Variants in LRRTM4 observed in about 807,000 individuals in gnomAD.
The protein encoded by LRRTM4 is leucine-rich repeat transmembrane neuronal protein 4.
Under a neutral mutation model 47.6 loss-of-function variants are expected in LRRTM4, and 25 were observed. That is an observed-to-expected ratio of 0.53 (90% CI 0.38 to 0.73). The LOEUF is 0.73. Ranked by LOEUF, LRRTM4 falls within the 30% of genes least tolerant of loss-of-function variation. The pLI is 0.00. For missense variants in LRRTM4, 638 were observed against 713.4 expected (o/e 0.89, Z 1.20); for synonymous variants, 311 against 269.5 (o/e 1.15, Z -1.51).
chr2:77,137,961 C>G (rs1306637715), intron 3 of LRRTM4, among the ~76,000 whole-genome samples: 1 of 151,998 alleles, frequency 6.6e-6, no homozygotes, highest in East Asian at 1.9e-4. Context: ...ACAGGAGCAC[C>G]CAGATTCATA....
intron 3 of LRRTM4, among the ~76,000 whole-genome samples, chr2:77,055,399 CA>C (rs963655105): frequency 9.9e-5 from 15 of 152,150 alleles, no homozygotes; most frequent in African/African-American, 3.6e-4. Flanking sequence ...AGACACTTCT[CA>C]AAAGAAGACA....
At chr2:77,375,755 C>T (rs113114124) in intron 3 of LRRTM4, among the ~76,000 whole-genome samples, 104 of 151,742 alleles carry the variant, frequency 6.9e-4, no homozygotes, top group African/African-American at 2.2e-3. Flanking sequence ...TTGTTGCATA[C>T]GGCCGGATTT....
intron 3 of LRRTM4, among the ~76,000 whole-genome samples, chr2:76,811,857 T>C (rs2103822451): frequency 6.6e-6 from 1 of 152,232 alleles, no homozygotes; most frequent in South Asian, 2.1e-4. Flanking sequence ...ATTAGAAATT[T>C]GCAGGGATGA....
chr2:77,054,378 C>G (rs965198911), intron 3 of LRRTM4, among the ~76,000 whole-genome samples: 11 of 152,276 alleles, frequency 7.2e-5, no homozygotes, highest in Non-Finnish European at 1.2e-4. Context: ...TGTTTTCCAG[C>G]AGCAGCCACT....
intron 3 of LRRTM4, among the ~76,000 whole-genome samples, chr2:77,151,008 GAAA>G (rs1165469639): frequency 6.6e-6 from 1 of 151,988 alleles, no homozygotes; most frequent in Non-Finnish European, 1.5e-5. Flanking sequence ...ATTGGTATAC[GAAA>G]AACTGTTCGC....
chr2:77,077,134 A>G (rs928683926), intron 3 of LRRTM4, among the ~76,000 whole-genome samples: 1 of 152,194 alleles, frequency 6.6e-6, no homozygotes, highest in Non-Finnish European at 1.5e-5. Flanking sequence ...CATATGCAAA[A>G]TTCTATAGAG....
intron 3 of LRRTM4, among the ~76,000 whole-genome samples, chr2:76,851,888 C>T (rs1214965491): frequency 6.6e-6 from 1 of 151,470 alleles, no homozygotes; most frequent in Non-Finnish European, 1.5e-5. Flanking sequence ...AATTTTGACC[C>T]TATTTGTTAA....
intron 3 of LRRTM4, among the ~76,000 whole-genome samples, chr2:76,929,874 T>A (rs2103830582): frequency 6.6e-6 from 1 of 152,162 alleles, no homozygotes; most frequent in African/African-American, 2.4e-5. Flanking sequence ...TAAAAGTAGG[T>A]GAATATGTTT....
chr2:77,382,504 T>A (rs1673100998), intron 3 of LRRTM4, among the ~76,000 whole-genome samples: 1 of 152,054 alleles, frequency 6.6e-6, no homozygotes, highest in South Asian at 2.1e-4. Context: ...CTTATGTCAT[T>A]CTGGGGTAGA....
chr2:77,106,511 A>AAT (rs1367577445), intron 3 of LRRTM4, among the ~76,000 whole-genome samples: 3 of 152,112 alleles, frequency 2.0e-5, no homozygotes, highest in Admixed American at 2.0e-4. Context: ...TCTTTGAGGG[A>AAT]TAGAAATACT....
rs1558684811 is a variant in LRRTM4, at chr2:77,315,745, T to C, written c.1551+202573A>G. 2.0e-5 allele frequency among the ~76,000 whole-genome samples: 3 copies of C among 152,264 alleles called. No homozygotes were observed. The East Asian group carries it at 5.8e-4, about 30-fold the overall frequency. ...ATATTTTTAAAGCCTCTTGCCAGTT[T>C]TACAACCCAGGGCTGTCTGTCTTTC... is the stretch of plus-strand genomic sequence containing the variant. On this transcript the variant is annotated intron_variant, in intron 3 of 3. Transcript: ENST00000409884.
intron 3 of LRRTM4, chr2:77,517,198 T>C: frequency 1.0e-6 from 1 of 985,138 alleles, no homozygotes; most frequent in South Asian, 4.7e-5. Flanking sequence ...GTCTGCTCAC[T>C]AACATGATCC....
At chr2:76,828,713 GCA>G (rs1263446195) in intron 3 of LRRTM4, among the ~76,000 whole-genome samples, 6 of 151,836 alleles carry the variant, frequency 4.0e-5, no homozygotes, top group African/African-American at 1.2e-4. Context: ...GCTCATATGA[GCA>G]CAGTGTGCCT....
At chr2:76,806,076 C>T (rs1675951764) in intron 3 of LRRTM4, among the ~76,000 whole-genome samples, 1 of 152,008 alleles carries the variant, frequency 6.6e-6, no homozygotes, top group Non-Finnish European at 1.5e-5. Context: ...ACGTACAGAA[C>T]AAGGCAAAAT....
rs148413267 is a variant in LRRTM4 at position 77,074,441 on chromosome 2, A to G, written c.1552-325525T>C. 2.8e-3 allele frequency among the ~76,000 whole-genome samples: 425 copies of G among 152,190 alleles called. 4 individuals carry two copies. Among genetic ancestry groups the G allele is most frequent in the African/African-American group, 9.0e-3 (375 of 41,538 alleles). ...TTTAGGAATTAGTAGTAGTAAGATC[A>G]TATCTTCTGTGTCCTCTACTGCTTG... On this transcript the variant is annotated intron_variant, in intron 3 of 3. Transcript: ENST00000409884.
Position 76,974,264 on chromosome 2 carries a change from A to G in LRRTM4, c.1552-225348T>C, listed in dbSNP as rs538299562. Among the ~76,000 whole-genome samples, 281 of 145,990 alleles carry G rather than the reference A, an allele frequency of 1.9e-3. 7 individuals are homozygous for G. The highest frequency in any genetic ancestry group is 6.8e-3 in the African/African-American group (271 of 39,922). ...TACATATATATATATACACACACATACATATATATATGGATTATTTTGACA... is the reference window on the plus strand; with the variant it reads ...TACATATATATATATACACACACATGCATATATATATGGATTATTTTGACA... On this transcript the variant is annotated intron_variant, in intron 3 of 3. Transcript: ENST00000409884.
At chr2:76,900,977 G>C (rs905125481) in intron 3 of LRRTM4, among the ~76,000 whole-genome samples, 1 of 152,100 alleles carries the variant, frequency 6.6e-6, no homozygotes, top group Non-Finnish European at 1.5e-5. Context: ...TTTTTTTGGA[G>C]TAAGTAAATT....
At chr2:76,939,849 A>C (rs1458427443) in intron 3 of LRRTM4, among the ~76,000 whole-genome samples, 2 of 152,170 alleles carry the variant, frequency 1.3e-5, no homozygotes, top group African/African-American at 4.8e-5. Context: ...GAAAAATGAA[A>C]ATCTTGGAGA....
chr2:77,469,354 T>C (rs1677099158), intron 3 of LRRTM4, among the ~76,000 whole-genome samples: 1 of 152,054 alleles, frequency 6.6e-6, no homozygotes, highest in African/African-American at 2.4e-5. Flanking sequence ...GCCCATTTGA[T>C]GGAGAAAGAG....
Sources: allele counts gnomAD v4.1 joint callset (sites outside exome capture counted in the v4.1 genomes callset), GRCh38; gene constraint gnomAD v4.1.1; transcripts MANE v1.5; gene names NCBI Gene and HGNC (gene_info 2026-07-23, HGNC 2026-07-21).